The following JPH3 variants were observed in gnomAD, a reference collection of about 807,000 sequenced individuals.
JPH3 encodes junctophilin-3.
In JPH3, 11 loss-of-function variants were observed where a neutral mutation model predicts 59.6. The observed-to-expected ratio is 0.18, with a 90% CI of 0.12 to 0.31. The LOEUF is 0.31. JPH3 is among the 10% of genes least tolerant of loss of function. JPH3 has a pLI of 1.00. For missense variants in JPH3, 1,202 were observed against 1,105.7 expected (o/e 1.09, Z -1.24); for synonymous variants, 673 against 483.6 (o/e 1.39, Z -5.14).
At position 87,686,463 on chromosome 16, in the gene JPH3, C is replaced by G. The variant is rs139863529; in HGVS notation, c.1285+2197C>G. The stretch of plus-strand genomic sequence containing the variant: ...CAGAGGAGATGCTTCCCAGAGGGCT[C>G]AGTCCTGGAGTCAGAGATGCTTCCT... On this transcript the variant is annotated intron_variant, in intron 3 of 4. Transcript: ENST00000284262. Among the ~76,000 whole-genome samples the G allele has an allele frequency of 1.5e-3, 186 of 125,024 alleles. 7 individuals are homozygous for G. The highest frequency in any genetic ancestry group is 6.0e-3 in the African/African-American group (182 of 30,468). The allele number at this position is 125,024 out of a possible 152,430, so 82.0% of individuals were successfully genotyped here.
At chr16:87,678,533 C>T (rs924711470) in intron 2 of JPH3, among the ~76,000 whole-genome samples, 3 of 151,984 alleles carry the variant, frequency 2.0e-5, no homozygotes, top group Non-Finnish European at 4.4e-5. Flanking sequence ...AGCCAGACTC[C>T]ATCACACACA....
chr16:87,646,505 AT>A (rs1045087755), intron 2 of JPH3, among the ~76,000 whole-genome samples: 5 of 152,190 alleles, frequency 3.3e-5, no homozygotes, highest in Non-Finnish European at 7.3e-5. Flanking sequence ...ATCAGTAGTT[AT>A]TTTTTCCATC....
At chr16:87,626,120 G>A (rs184696797) in intron 1 of JPH3, among the ~76,000 whole-genome samples, 1 of 152,282 alleles carries the variant, frequency 6.6e-6, no homozygotes, top group East Asian at 1.9e-4. Flanking sequence ...AGCCTCCTTG[G>A]GGGTGCCAAG....
intron 2 of JPH3, among the ~76,000 whole-genome samples, chr16:87,664,071 C>G (rs2032785078): frequency 6.6e-6 from 1 of 151,728 alleles, no homozygotes; most frequent in Non-Finnish European, 1.5e-5. Context: ...GTGGCTCACG[C>G]CTGTAATCCC....
At chr16:87,619,263 T>C (rs2031083285) in intron 1 of JPH3, among the ~76,000 whole-genome samples, 1 of 149,714 alleles carries the variant, frequency 6.7e-6, no homozygotes, top group Non-Finnish European at 1.5e-5. Flanking sequence ...CCGTGAGCTA[T>C]GATCACGCCA....
At chr16:87,685,210 C>T (rs550525769) in intron 3 of JPH3, among the ~76,000 whole-genome samples, 104 of 152,374 alleles carry the variant, frequency 6.8e-4, no homozygotes, top group African/African-American at 2.2e-3. Flanking sequence ...TCCGCCACCA[C>T]TCCAAGACCT....
At chr16:87,614,770 A>G (rs1446640360) in intron 1 of JPH3, among the ~76,000 whole-genome samples, 1 of 141,858 alleles carries the variant, frequency 7.0e-6, no homozygotes, top group Non-Finnish European at 1.5e-5. Flanking sequence ...TGGTCCCTGC[A>G]CACACGAGGA....
chr16:87,649,203 C>A (rs1315936991), intron 2 of JPH3, among the ~76,000 whole-genome samples: 1 of 152,202 alleles, frequency 6.6e-6, no homozygotes, highest in African/African-American at 2.4e-5. Flanking sequence ...CTGTGTCATT[C>A]TCCTGTGGGG....
At chr16:87,639,666 T>TGTCCTCCCG (rs1597253568) in intron 1 of JPH3, among the ~76,000 whole-genome samples, 1 of 71,692 alleles carries the variant, frequency 1.4e-5, no homozygotes, top group African/African-American at 3.9e-5. Context: ...CTGTCCTCCC[T>TGTCCTCCCG]CCTGTCCTCC....
At chr16:87,680,179 G>C (rs2033250642) in intron 2 of JPH3, among the ~76,000 whole-genome samples, 1 of 152,254 alleles carries the variant, frequency 6.6e-6, no homozygotes, top group African/African-American at 2.4e-5. Context: ...AAGGGAGGAG[G>C]CTGGCTTCCT....
In JPH3 at chr16:87,660,683, A is replaced by C. The variant is rs547814551; in HGVS notation, c.1160+15648A>C. On this transcript the variant is annotated intron_variant, in intron 2 of 4. Transcript: ENST00000284262. ...TGGACAGGTGAGTCTCTGCCTCCCC[A>C]CCAGCTGCCTCTTCCACAGATGGAC... Among the ~76,000 whole-genome samples the C allele has an allele frequency of 3.9e-5, 6 of 152,256 alleles. No individual in the cohort carries two copies. The South Asian group carries it at 1.2e-3, about 32-fold the overall frequency.
Position 87,603,086 on chromosome 16 carries a change from G to C in JPH3, c.-61G>C. On this transcript the variant is annotated 5_prime_UTR_variant, in exon 1 of 5. Transcript: ENST00000284262. ...CAGGGCCGCCGGCGGCCGCGACTCTGCTGTGTCGATCGCCTGAGTCCGTTT... is the reference window on the plus strand; with the variant it reads ...CAGGGCCGCCGGCGGCCGCGACTCTCCTGTGTCGATCGCCTGAGTCCGTTT... The C allele has an allele frequency of 6.2e-7, 1 of 1,610,790 alleles. No homozygotes were observed. Among genetic ancestry groups the C allele is most frequent in the East Asian group, 2.2e-5 (1 of 44,784 alleles).
At chr16:87,680,433 C>T (rs13334854) in intron 2 of JPH3, among the ~76,000 whole-genome samples, 11,195 of 152,312 alleles carry the variant, frequency 0.074, 508 homozygotes, top group Non-Finnish European at 0.1. Context: ...GCCCAGGAAC[C>T]GGGCCTTTTC....
At chr16:87,615,156 G>A (rs537040265) in intron 1 of JPH3, among the ~76,000 whole-genome samples, 4 of 152,228 alleles carry the variant, frequency 2.6e-5, no homozygotes, top group African/African-American at 4.8e-5. Flanking sequence ...ACAGGTTCCC[G>A]GGGACCCATC....
intron 2 of JPH3, among the ~76,000 whole-genome samples, chr16:87,683,036 A>G (rs1283845526): frequency 6.6e-6 from 1 of 152,236 alleles, no homozygotes; most frequent in Non-Finnish European, 1.5e-5. Context: ...GGCTGCCCAC[A>G]GGTACAATGG....
chr16:87,647,189 A>C (rs1474324874), intron 2 of JPH3, among the ~76,000 whole-genome samples: 1 of 151,688 alleles, frequency 6.6e-6, no homozygotes, highest in African/African-American at 2.4e-5. Context: ...ATAAGTGGGC[A>C]TCATGCTGGG....
intron 1 of JPH3, among the ~76,000 whole-genome samples, chr16:87,633,590 G>T (rs941756340): frequency 6.6e-6 from 1 of 151,992 alleles, no homozygotes; most frequent in Non-Finnish European, 1.5e-5. Context: ...GTACCTGAGG[G>T]CAGTTTGAGA....
At chr16:87,627,051 T>A (rs1026672946) in intron 1 of JPH3, among the ~76,000 whole-genome samples, 8 of 152,198 alleles carry the variant, frequency 5.3e-5, no homozygotes, top group Non-Finnish European at 8.8e-5. Flanking sequence ...CCTGGGAAGC[T>A]CTTAAAAGCC....
rs1347477920 is a variant in JPH3 at position 87,644,598 on chromosome 16, G to A, written c.723G>A (p.Gln241=). ...KSSLASQRSK[Q]SSFRSEAGMS... is the part of the protein sequence containing the mutation. Reference sequence around the variant, plus strand: ...GCCTGGCCAGCCAACGCAGCAAGCAGAGCTCCTTTCGCAGCGAGGCGGGCA... The same window carrying A: ...GCCTGGCCAGCCAACGCAGCAAGCAAAGCTCCTTTCGCAGCGAGGCGGGCA... The change falls in exon 2 of 5, where the codon CAG becomes CAA. Residue 241 remains glutamine, a synonymous_variant. Coordinates refer to ENST00000284262, the MANE Select transcript of JPH3 (RefSeq NM_020655.4). 1.2e-6 allele frequency: 2 copies of A among 1,613,022 alleles called. No individual in the cohort carries two copies. Among genetic ancestry groups the A allele is most frequent in the South Asian group, 2.2e-5 (2 of 91,082 alleles).
Sources: allele counts gnomAD v4.1 joint callset (sites outside exome capture counted in the v4.1 genomes callset), GRCh38; gene constraint gnomAD v4.1.1; transcripts MANE v1.5; gene names NCBI Gene and HGNC (gene_info 2026-07-23, HGNC 2026-07-21).